OTUD7A: variants seen among roughly 807,000 people sequenced by gnomAD.
The protein encoded by OTUD7A is OTU deubiquitinase 7A.
A neutral mutation model predicts 65.7 loss-of-function variants in OTUD7A; 12 were observed. The ratio of observed to expected loss-of-function variants is 0.18; its 90% CI spans 0.12 to 0.30. OTUD7A has a LOEUF of 0.30. OTUD7A is among the 10% of genes least tolerant of loss of function. The pLI is 1.00. For synonymous variants in OTUD7A, 641 were observed against 586.3 expected, an observed-to-expected ratio of 1.09 and a Z score of -1.35; for missense variants, 1,148 against 1,304.8, an observed-to-expected ratio of 0.88 and a Z score of 1.85.
At chr15:31,549,692 A>G (rs1044358722) in intron 5 of OTUD7A, among the ~76,000 whole-genome samples, 9 of 152,130 alleles carry the variant, frequency 5.9e-5, no homozygotes, top group Non-Finnish European at 1.3e-4. Flanking sequence ...CGGAAGAGGG[A>G]AGAGGGAAAG....
chr15:31,483,460 G>A lies in OTUD7A; in HGVS notation c.2636C>T (p.Ala879Val), dbSNP rs1261083816. The stretch of plus-strand genomic sequence containing the variant: ...ACGGCCGCACTCACCGTTCGAGCGC[G>A]CGGTCGGCGCGTCGGCGTCGGCGAA... ...LEFADADAPT[A>V]RSNGECGRGG... is the part of the protein sequence containing the mutation. The change falls in exon 13 of 13, where the codon GCG (alanine) becomes GTG (valine). Residue 879 changes from alanine to valine, a missense_variant. Ala to Val is a moderately conservative substitution (Grantham distance 64). This residue lies in a region of OTUD7A where 842 missense variants were observed against 769.5 expected (regional missense o/e 1.09). Transcript: ENST00000307050. The A allele has an allele frequency of 3.0e-5, 42 of 1,380,282 alleles. No homozygotes were observed. Among genetic ancestry groups the A allele is most frequent in the Non-Finnish European group, 3.7e-5 (40 of 1,067,082 alleles). The allele number at this position is 1,380,282 out of a possible 1,614,324, so 85.5% of individuals were successfully genotyped here. A position where few individuals can be genotyped will look rare whatever the true frequency, so the allele number is the denominator to read the frequency against.
At position 31,600,556 on chromosome 15, in the gene OTUD7A, C is replaced by G. The variant is rs780896045; in HGVS notation, c.152-30359G>C. 2.0e-5 allele frequency among the ~76,000 whole-genome samples: 3 copies of G among 152,122 alleles called. No homozygotes were observed. The East Asian group carries it at 5.8e-4, about 29-fold the overall frequency. Reference sequence around the variant, plus strand: ...ACTATGAAGAAACTGCAGCAACCAACGAGCAAAATAACCAGCTAGCATCAT... The same window carrying G: ...ACTATGAAGAAACTGCAGCAACCAAGGAGCAAAATAACCAGCTAGCATCAT... On this transcript the variant is annotated intron_variant, in intron 3 of 12. Coordinates refer to ENST00000307050, the MANE Select transcript of OTUD7A (RefSeq NM_001382637.1).
Position 31,661,279 on chromosome 15 carries a change from T to C in OTUD7A, c.-99-4202A>G, listed in dbSNP as rs560562374. On this transcript the variant is annotated intron_variant, in intron 1 of 12. Transcript: ENST00000307050. ...TTGTCTTACATGCATTGAAATGATA[T>C]ACTCATCAATGACATATCAAATTCT... 2.0e-4 allele frequency among the ~76,000 whole-genome samples: 31 copies of C among 152,316 alleles called. No individual in the cohort carries two copies. The East Asian group carries it at 5.6e-3, about 27-fold the overall frequency.
rs368289014 is a variant in OTUD7A, at chr15:31,756,921, A to AC, written c.-99-99845dup. Reference sequence around the variant, plus strand: ...ATTGTATACTGGGTATGTGGGGGCCACCGAAGTTGCTCCATGACATAGAAA... The same window carrying AC: ...ATTGTATACTGGGTATGTGGGGGCCACCCGAAGTTGCTCCATGACATAGAAA... On this transcript the variant is annotated intron_variant, in intron 1 of 12. Coordinates refer to ENST00000307050, the MANE Select transcript of OTUD7A (RefSeq NM_001382637.1). Among the ~76,000 whole-genome samples the AC allele has an allele frequency of 1.3e-3, 205 of 152,288 alleles. No individual in the cohort carries two copies. In the Middle Eastern group the frequency reaches 0.017, roughly 13 times the overall value.
At chr15:31,812,258 C>T (rs372327855) in intron 1 of OTUD7A, among the ~76,000 whole-genome samples, 2 of 152,182 alleles carry the variant, frequency 1.3e-5, no homozygotes, top group Non-Finnish European at 2.9e-5. Context: ...CCAACCAGGG[C>T]TTCCACACTC....
chr15:31,577,909 C>T (rs940500349), intron 3 of OTUD7A, among the ~76,000 whole-genome samples: 1 of 150,840 alleles, frequency 6.6e-6, no homozygotes, highest in Non-Finnish European at 1.5e-5. Flanking sequence ...AAAAAATAAG[C>T]AAGAATAACC....
chr15:31,806,518 TA>T (rs1861552706), intron 1 of OTUD7A, among the ~76,000 whole-genome samples: 1 of 152,206 alleles, frequency 6.6e-6, no homozygotes, highest in Admixed American at 6.5e-5. Context: ...AATTTTTACT[TA>T]AACCCCATCC....
chr15:31,799,413 G>T (rs1896060144), intron 1 of OTUD7A, among the ~76,000 whole-genome samples: 1 of 152,200 alleles, frequency 6.6e-6, no homozygotes, highest in African/African-American at 2.4e-5. Flanking sequence ...CTGTGTTGAA[G>T]ACATAACCTC....
intron 1 of OTUD7A, among the ~76,000 whole-genome samples, chr15:31,804,273 C>T (rs1454690432): frequency 6.6e-6 from 1 of 152,116 alleles, no homozygotes; most frequent in Admixed American, 6.5e-5. Context: ...GCATTGCTAC[C>T]AACGTATGTC....
chr15:31,507,627 T>G (rs1461154086), intron 8 of OTUD7A, among the ~76,000 whole-genome samples: 2 of 70,124 alleles, frequency 2.9e-5, no homozygotes, highest in East Asian at 5.7e-4. Flanking sequence ...TTGCTGCCGC[T>G]GCTGGCTGGG....
intron 10 of OTUD7A, among the ~76,000 whole-genome samples, chr15:31,499,868 C>G (rs1004086950): frequency 6.6e-6 from 1 of 152,240 alleles, no homozygotes; most frequent in East Asian, 1.9e-4. Context: ...GAAGTGAAAC[C>G]ACCCACAACT....
At chr15:31,815,880 C>A (rs1033959753) in intron 1 of OTUD7A, among the ~76,000 whole-genome samples, 1 of 152,268 alleles carries the variant, frequency 6.6e-6, no homozygotes, top group African/African-American at 2.4e-5. Flanking sequence ...AGCTCTCTCT[C>A]TTTGCCCATA....
At chr15:31,858,257 G>A (rs28521676) in intron 1 of OTUD7A, among the ~76,000 whole-genome samples, 49,519 of 151,982 alleles carry the variant, frequency 0.33, 8,560 homozygotes, top group South Asian at 0.56. Context: ...AGACTGAGGC[G>A]GACCACAGCC....
intron 1 of OTUD7A, among the ~76,000 whole-genome samples, chr15:31,753,131 C>T (rs555027649): frequency 1.3e-5 from 2 of 152,232 alleles, no homozygotes; most frequent in South Asian, 4.1e-4. Flanking sequence ...CAGTTTGATG[C>T]CACAAGCTTG....
chr15:31,819,567 T>C (rs1276210570), intron 1 of OTUD7A, among the ~76,000 whole-genome samples: 2 of 152,212 alleles, frequency 1.3e-5, no homozygotes, highest in Admixed American at 6.5e-5. Context: ...ATTGGTTGTT[T>C]GGGAATATGG....
intron 8 of OTUD7A, among the ~76,000 whole-genome samples, chr15:31,518,707 G>A (rs1480355750): frequency 6.6e-6 from 1 of 152,222 alleles, no homozygotes; most frequent in African/African-American, 2.4e-5. Flanking sequence ...CAGATCTCAT[G>A]GGCAGCATTT....
At chr15:31,761,330 A>C (rs911836118) in intron 1 of OTUD7A, among the ~76,000 whole-genome samples, 1 of 152,176 alleles carries the variant, frequency 6.6e-6, no homozygotes, top group Non-Finnish European at 1.5e-5. Context: ...CTCAATAATA[A>C]AAACACAAAT....
chr15:31,844,623 G>A (rs1897257452), intron 1 of OTUD7A, among the ~76,000 whole-genome samples: 1 of 152,206 alleles, frequency 6.6e-6, no homozygotes, highest in South Asian at 2.1e-4. Context: ...GTGTCTCCTG[G>A]TTCCTCATAT....
chr15:31,505,000 T>C (rs1464801155), intron 8 of OTUD7A, among the ~76,000 whole-genome samples: 2 of 152,090 alleles, frequency 1.3e-5, no homozygotes, highest in African/African-American at 2.4e-5. Context: ...TTTCTGGTGG[T>C]GTAAAGAAAT....
Sources: allele counts gnomAD v4.1 joint callset (sites outside exome capture counted in the v4.1 genomes callset), GRCh38; gene constraint gnomAD v4.1.1; regional missense constraint gnomAD v4.1.1; transcripts MANE v1.5; gene names NCBI Gene and HGNC (gene_info 2026-07-23, HGNC 2026-07-21).